FCHO2: variants seen among roughly 807,000 people sequenced by gnomAD.
The protein encoded by FCHO2 is F-BAR domain only protein 2.
A neutral mutation model predicts 114.1 loss-of-function variants in FCHO2; 43 were observed. The ratio of observed to expected loss-of-function variants is 0.38; its 90% confidence interval spans 0.30 to 0.49. The LOEUF is 0.49. Ranked by LOEUF, FCHO2 falls within the 20% of genes least tolerant of loss-of-function variation. FCHO2 has a pLI of 0.97. For missense variants in FCHO2, 807 were observed against 950.4 expected, an observed-to-expected ratio of 0.85 and a Z score of 1.98; for synonymous variants, 293 against 315.2, an observed-to-expected ratio of 0.93 and a Z score of 0.75.
intron 8 of FCHO2, among the ~76,000 whole-genome samples, chr5:73,031,902 T>C (rs1347851954): frequency 6.6e-6 from 1 of 152,238 alleles, no homozygotes; most frequent in Admixed American, 6.5e-5. Flanking sequence ...AAAGAATTAA[T>C]TGAGTCTAAA....
intron 5 of FCHO2, among the ~76,000 whole-genome samples, chr5:73,005,600 A>G (rs1191230870): frequency 1.3e-5 from 2 of 152,124 alleles, no homozygotes; most frequent in Non-Finnish European, 1.5e-5. Flanking sequence ...ATCTTCCTGT[A>G]TCCAAGTTGA....
At chr5:73,065,742 A>G (rs1056664395) in intron 18 of FCHO2, among the ~76,000 whole-genome samples, 2 of 152,034 alleles carry the variant, frequency 1.3e-5, no homozygotes, top group Non-Finnish European at 2.9e-5. Flanking sequence ...TTCTTTGATT[A>G]TAATTTTATT....
At chr5:73,063,764 T>G in intron 17 of FCHO2, 77 bp from the exon 18 acceptor site, 2 of 1,335,234 alleles carry the variant, frequency 1.5e-6, no homozygotes, top group Middle Eastern at 1.8e-4. Flanking sequence ...AAAAGTTTCT[T>G]TATAATAGAA....
intron 22 of FCHO2, among the ~76,000 whole-genome samples, chr5:73,080,517 T>G (rs1743059610): frequency 6.6e-6 from 1 of 152,180 alleles, no homozygotes; most frequent in African/African-American, 2.4e-5. Flanking sequence ...GGAAATTAAT[T>G]ACTATAGCCA....
intron 1 of FCHO2, among the ~76,000 whole-genome samples, chr5:72,967,374 C>T (rs1468635168): frequency 6.6e-6 from 1 of 152,206 alleles, no homozygotes; most frequent in Non-Finnish European, 1.5e-5. Context: ...TTTCTCCCTT[C>T]TCAGGTTAAG....
chr5:73,063,729 T>G, intron 17 of FCHO2, 112 bp from the exon 18 acceptor site: 1 of 855,470 alleles, frequency 1.2e-6, no homozygotes, highest in Non-Finnish European at 1.9e-6. Flanking sequence ...AAAAAGAGCC[T>G]CCTGAAAAAT....
rs145196746 is a variant in FCHO2 at position 73,050,193 on chromosome 5, T to C, written c.940-1156T>C. 1.1e-4 allele frequency among the ~76,000 whole-genome samples: 17 copies of C among 152,304 alleles called. No individual in the cohort carries two copies. In the East Asian group the frequency reaches 3.3e-3, roughly 29 times the overall value. Reference sequence around the variant, plus strand: ...ACCATTCAGTATTTATCATCTTTGATGTCCATTTTATTATGCTTTGTTTGA... The same window carrying C: ...ACCATTCAGTATTTATCATCTTTGACGTCCATTTTATTATGCTTTGTTTGA... On this transcript the variant is annotated intron_variant, in intron 11 of 25. Coordinates refer to ENST00000430046, the MANE Select transcript of FCHO2 (RefSeq NM_138782.3).
intron 8 of FCHO2, among the ~76,000 whole-genome samples, chr5:73,031,578 C>G (rs937173735): frequency 1.3e-5 from 2 of 152,148 alleles, no homozygotes; most frequent in African/African-American, 4.8e-5. Context: ...CTTGTAACAT[C>G]TTTTCAAAGT....
intron 2 of FCHO2, among the ~76,000 whole-genome samples, chr5:72,975,877 C>G (rs943259624): frequency 6.6e-6 from 1 of 151,354 alleles, no homozygotes; most frequent in Non-Finnish European, 1.5e-5. Context: ...CTGACTTACT[C>G]AGGGACATCT....
intron 1 of FCHO2, among the ~76,000 whole-genome samples, chr5:72,956,894 T>C (rs912021997): frequency 2.0e-5 from 3 of 150,898 alleles, no homozygotes; most frequent in Admixed American, 1.3e-4. Context: ...TCTGCAGTTA[T>C]TGTTTTTTTT....
intron 2 of FCHO2, among the ~76,000 whole-genome samples, chr5:72,973,369 A>G (rs1752676749): frequency 6.6e-6 from 1 of 152,182 alleles, no homozygotes; most frequent in Non-Finnish European, 1.5e-5. Flanking sequence ...GAATATTGCC[A>G]CAATTTCAGA....
intron 19 of FCHO2, 83 bp from the exon 20 acceptor site, chr5:73,074,659 G>T (rs999980844): frequency 8.5e-6 from 11 of 1,291,812 alleles, no homozygotes; most frequent in Middle Eastern, 1.8e-4. Context: ...GTTTGTGACA[G>T]CCTAACAATG....
chr5:73,053,821 G>T (rs139929075), intron 13 of FCHO2, among the ~76,000 whole-genome samples: 1 of 152,092 alleles, frequency 6.6e-6, no homozygotes, highest in African/African-American at 2.4e-5. Context: ...CAAAAGCCTA[G>T]AGGAATATAT....
At chr5:73,011,492 A>G (rs1755010018) in intron 6 of FCHO2, among the ~76,000 whole-genome samples, 1 of 151,922 alleles carries the variant, frequency 6.6e-6, no homozygotes, top group Admixed American at 6.6e-5. Context: ...TCTTTTTCCT[A>G]AAAACTAAGA....
At chr5:72,979,859 C>T (rs1040584725) in intron 2 of FCHO2, among the ~76,000 whole-genome samples, 2 of 151,936 alleles carry the variant, frequency 1.3e-5, no homozygotes, top group African/African-American at 4.8e-5. Context: ...TTCTGGCTAG[C>T]GGTCTATCTA....
chr5:73,041,411 A>G (rs2112810042), intron 11 of FCHO2, 96 bp downstream of exon 11: 1 of 688,592 alleles, frequency 1.5e-6, no homozygotes, highest in East Asian at 3.1e-5. Flanking sequence ...CAGTCTTTCA[A>G]AGAAAAATAC....
At chr5:73,063,734 A>C in intron 17 of FCHO2, 107 bp from the exon 18 acceptor site, 1 of 959,006 alleles carries the variant, frequency 1.0e-6, no homozygotes, top group Non-Finnish European at 1.6e-6. Flanking sequence ...GAGCCTCCTG[A>C]AAAATGAGCT....
At position 72,979,378 on chromosome 5, in the gene FCHO2, C is replaced by CTTTTT. The variant is rs60234739; in HGVS notation, c.126-10022_126-10018dup. On this transcript the variant is annotated intron_variant, in intron 2 of 25. Transcript: ENST00000430046. ...TATGTGTCCAGGAATTTATCAATTT[C>CTTTTT]TTTTTTTTTTTTTTTTTTTTTTTTT... Among the ~76,000 whole-genome samples, 428 of 49,836 alleles carry CTTTTT rather than the reference C, an allele frequency of 8.6e-3. 44 individuals are homozygous for CTTTTT. The highest frequency in any genetic ancestry group is 0.02 in the East Asian group (22 of 1,082). 32.7% of individuals were successfully genotyped at this position (49,836 alleles called of 152,430 possible). A position where few individuals can be genotyped will look rare whatever the true frequency, so the allele number is the denominator to read the frequency against.
At position 73,077,480 on chromosome 5, in the gene FCHO2, C is replaced by T; in HGVS notation, c.1834C>T (p.Gln612Ter). The change falls in exon 21 of 26, where the codon CAG becomes TAG. Residue 612 changes from glutamine (Q) to a stop codon, truncating the protein, a stop_gained. Transcript: ENST00000430046. LOFTEE classifies it high-confidence loss of function. ...ACTAGAGCAGATTCTTCCAAATGCA[C>T]AGCTTGTGTTCAGGTTTGTGTACTT... ...SRLEQILPNA[Q>*]LVFSDPSQCD... is the part of the protein sequence containing the mutation. The T allele has an allele frequency of 6.3e-7, 1 of 1,598,948 alleles. No individual in the cohort carries two copies. Among genetic ancestry groups the T allele is most frequent in the Non-Finnish European group, 8.5e-7 (1 of 1,172,646 alleles).
Sources: gnomAD v4.1 joint callset for allele counts (sites outside exome capture counted in the v4.1 genomes callset) on GRCh38, gnomAD v4.1.1 for gene constraint, MANE v1.5 for transcripts, NCBI Gene and HGNC (gene_info 2026-07-23, HGNC 2026-07-21) for gene names.